Variants in TSHZ2 observed in about 807,000 individuals in gnomAD.
The protein encoded by TSHZ2 is teashirt zinc finger homeobox 2.
Under a neutral mutation model 74.4 loss-of-function variants are expected in TSHZ2, and 21 were observed. The observed-to-expected ratio is 0.28, with a 90% CI of 0.20 to 0.41. The LOEUF (loss-of-function observed/expected upper bound fraction) is 0.41. Ranked by LOEUF, TSHZ2 falls within the 10% of genes least tolerant of loss-of-function variation. The pLI is 1.00. For missense variants in TSHZ2, 1,244 were observed against 1,293.5 expected, an observed-to-expected ratio of 0.96 and a Z score of 0.59; for synonymous variants, 540 against 515.3, an observed-to-expected ratio of 1.05 and a Z score of -0.65.
At chr20:53,167,104 G>T (rs555952724) in intron 1 of TSHZ2, among the ~76,000 whole-genome samples, 2 of 152,192 alleles carry the variant, frequency 1.3e-5, no homozygotes, top group Non-Finnish European at 2.9e-5. Flanking sequence ...AGGTCCTGGG[G>T]TGAGAATGAG....
intron 1 of TSHZ2, among the ~76,000 whole-genome samples, chr20:53,022,159 C>A (rs1983267871): frequency 6.6e-6 from 1 of 152,120 alleles, no homozygotes; most frequent in African/African-American, 2.4e-5. Context: ...CAGGATGAGT[C>A]ACAGAGCCTT....
At position 53,495,178 on chromosome 20, in the gene TSHZ2, A is replaced by G. The variant is rs1262642190; in HGVS notation, c.*8043A>G. On this transcript the variant is annotated 3_prime_UTR_variant, in exon 3 of 3. Coordinates refer to ENST00000371497, the MANE Select transcript of TSHZ2 (RefSeq NM_173485.6). ...AAAAAAACACAGATGCACTTAAAACATGAAAAGAATTATTTATATGATAAA... is the reference window on the plus strand; with the variant it reads ...AAAAAAACACAGATGCACTTAAAACGTGAAAAGAATTATTTATATGATAAA... 6.6e-6 allele frequency: 1 copy of G among 152,226 alleles called. No homozygotes were observed. Among genetic ancestry groups the G allele is most frequent in the Non-Finnish European group, 1.5e-5 (1 of 68,044 alleles). The allele number at this position is 152,226 out of a possible 1,614,324, so 9.4% of individuals were successfully genotyped here. A position where few individuals can be genotyped will look rare whatever the true frequency, so the allele number is the denominator to read the frequency against.
chr20:53,009,194 T>C (rs1293601718), intron 1 of TSHZ2, among the ~76,000 whole-genome samples: 1 of 151,942 alleles, frequency 6.6e-6, no homozygotes, highest in Non-Finnish European at 1.5e-5. Flanking sequence ...AAAAATTAGC[T>C]GGGCATGGTG....
At chr20:53,415,561 A>G (rs886204685) in intron 2 of TSHZ2, among the ~76,000 whole-genome samples, 1 of 152,082 alleles carries the variant, frequency 6.6e-6, no homozygotes, top group African/African-American at 2.4e-5. Flanking sequence ...AAACTATTAC[A>G]GATAATTTAC....
At chr20:53,088,765 G>A (rs1358019745) in intron 1 of TSHZ2, among the ~76,000 whole-genome samples, 1 of 152,102 alleles carries the variant, frequency 6.6e-6, no homozygotes, top group Non-Finnish European at 1.5e-5. Flanking sequence ...CTCTGTCTGA[G>A]AAAGAGAGTG....
intron 1 of TSHZ2, among the ~76,000 whole-genome samples, chr20:53,134,112 C>T (rs964397043): frequency 3.2e-4 from 49 of 152,236 alleles, no homozygotes; most frequent in Admixed American, 2.4e-3. Flanking sequence ...CTCTACTTGC[C>T]CCATGAGTCT....
chr20:53,168,693 C>G (rs909303522), intron 1 of TSHZ2: 3 of 152,110 alleles, frequency 2.0e-5, no homozygotes, highest in Non-Finnish European at 4.4e-5. Context: ...AAGTTGATCT[C>G]CACGTGGTGA....
At chr20:53,196,057 T>C (rs1988857315) in intron 1 of TSHZ2, among the ~76,000 whole-genome samples, 1 of 152,188 alleles carries the variant, frequency 6.6e-6, no homozygotes. Context: ...CAGAAAGGGC[T>C]TCTGTCGGGT....
chr20:53,052,882 T>C (rs1053653740), intron 1 of TSHZ2, among the ~76,000 whole-genome samples: 1 of 152,264 alleles, frequency 6.6e-6, no homozygotes, highest in African/African-American at 2.4e-5. Context: ...TCTATTGTGA[T>C]ACAATTCATA....
At chr20:53,341,616 T>C (rs1393947604) in intron 2 of TSHZ2, among the ~76,000 whole-genome samples, 1 of 152,012 alleles carries the variant, frequency 6.6e-6, no homozygotes, top group Non-Finnish European at 1.5e-5. Context: ...TAAACCGCCA[T>C]ACCCGGCCGA....
At chr20:53,034,750 A>G (rs543202084) in intron 1 of TSHZ2, among the ~76,000 whole-genome samples, 1 of 152,330 alleles carries the variant, frequency 6.6e-6, no homozygotes, top group East Asian at 1.9e-4. Context: ...TGTTTGCTCC[A>G]GGGTTCTTTT....
intron 2 of TSHZ2, among the ~76,000 whole-genome samples, chr20:53,472,854 G>T (rs1368392822): frequency 6.6e-6 from 1 of 152,086 alleles, no homozygotes; most frequent in Non-Finnish European, 1.5e-5. Context: ...GGAAGCGCAA[G>T]GGGTCAGGGA....
chr20:53,212,250 G>A (rs938921281), intron 1 of TSHZ2, among the ~76,000 whole-genome samples: 4 of 152,132 alleles, frequency 2.6e-5, no homozygotes, highest in African/African-American at 9.7e-5. Context: ...TGTTACATGA[G>A]CAATGACAAC....
At chr20:53,106,875 T>A (rs893313784) in intron 1 of TSHZ2, among the ~76,000 whole-genome samples, 3 of 151,820 alleles carry the variant, frequency 2.0e-5, no homozygotes, top group Non-Finnish European at 2.9e-5. Context: ...TTTTTGTATT[T>A]TTAGTAGAGA....
intron 2 of TSHZ2, among the ~76,000 whole-genome samples, chr20:53,355,004 A>C (rs1199038401): frequency 6.6e-6 from 1 of 152,144 alleles, no homozygotes. Context: ...TAGTCATTAT[A>C]TGGATTCCTC....
At chr20:53,148,481 A>G (rs1600712526) in intron 1 of TSHZ2, among the ~76,000 whole-genome samples, 2 of 152,152 alleles carry the variant, frequency 1.3e-5, no homozygotes, top group Middle Eastern at 3.4e-3. Context: ...CTATTTCTTA[A>G]TTTCTTGTTC....
intron 2 of TSHZ2, among the ~76,000 whole-genome samples, chr20:53,391,089 G>A (rs933620759): frequency 4.6e-5 from 7 of 151,912 alleles, no homozygotes; most frequent in South Asian, 2.1e-4. Flanking sequence ...TAATTCATCC[G>A]CTCCTGATCA....
At chr20:53,484,635 C>T (rs1050128942) in intron 2 of TSHZ2, among the ~76,000 whole-genome samples, 10 of 152,110 alleles carry the variant, frequency 6.6e-5, no homozygotes, top group Non-Finnish European at 1.2e-4. Context: ...ATCCGCCCGC[C>T]GTTGCCTCCC....
intron 2 of TSHZ2, among the ~76,000 whole-genome samples, chr20:53,452,743 G>A (rs1984851700): frequency 6.6e-6 from 1 of 152,154 alleles, no homozygotes; most frequent in African/African-American, 2.4e-5. Context: ...ACAATATTAT[G>A]TGTGTGAAGG....
Sources: allele counts gnomAD v4.1 joint callset (sites outside exome capture counted in the v4.1 genomes callset), GRCh38; gene constraint gnomAD v4.1.1; transcripts MANE v1.5; gene names NCBI Gene and HGNC (gene_info 2026-07-23, HGNC 2026-07-21).